TIAM2: variants seen among roughly 807,000 people sequenced by gnomAD.
TIAM2 encodes TIAM Rac1 associated GEF 2, also known as rho guanine nucleotide exchange factor TIAM2.
A neutral mutation model predicts 152.9 loss-of-function variants in TIAM2; 80 were observed. The ratio of observed to expected loss-of-function variants is 0.52; its 90% confidence interval spans 0.44 to 0.63. TIAM2 has a LOEUF of 0.63. TIAM2 is among the 30% of genes least tolerant of loss of function. The pLI is 0.00. For missense variants in TIAM2, 1,965 were observed against 2,120.1 expected, an observed-to-expected ratio of 0.93 and a Z score of 1.44; for synonymous variants, 804 against 838.0, an observed-to-expected ratio of 0.96 and a Z score of 0.70.
chr6:155,234,621 T>C (rs1270943661), intron 15 of TIAM2, among the ~76,000 whole-genome samples: 1 of 152,202 alleles, frequency 6.6e-6, no homozygotes, highest in Admixed American at 6.5e-5. Context: ...TTCAGGCTGG[T>C]CTTGAACTCC....
chr6:155,217,239 C>T (rs528724152), intron 15 of TIAM2: 69 of 849,912 alleles, frequency 8.1e-5, no homozygotes, highest in Non-Finnish European at 2.2e-5. Flanking sequence ...ATGCCTTTCT[C>T]CCCAGAAGGG....
At chr6:155,095,680 G>T (rs1275880906) in intron 2 of TIAM2, among the ~76,000 whole-genome samples, 2 of 152,250 alleles carry the variant, frequency 1.3e-5, no homozygotes, top group Non-Finnish European at 1.5e-5. Flanking sequence ...CTAGATAGAT[G>T]ACCTCTCTGG....
chr6:155,186,480 T>C lies in TIAM2; in HGVS notation c.3064+2980T>C, dbSNP rs1432752755. Among the ~76,000 whole-genome samples, 1 of 152,154 alleles carries C rather than the reference T, an allele frequency of 6.6e-6. No individual in the cohort carries two copies. Among genetic ancestry groups the C allele is most frequent in the African/African-American group, 2.4e-5 (1 of 41,442 alleles). On this transcript the variant is annotated intron_variant, in intron 14 of 26. Transcript: ENST00000682666. This position sits in a 1 kb window ranked among gnomAD's most constrained non-coding sequence, Gnocchi z 4.5. ...GGGTCACCTTCCAAATAAACTTCTG[T>C]ACTCAAGTCCTTGACTCAGACTCTG...
intron 15 of TIAM2, among the ~76,000 whole-genome samples, chr6:155,226,191 G>A (rs1782234453): frequency 6.6e-6 from 1 of 152,212 alleles, no homozygotes; most frequent in Non-Finnish European, 1.5e-5. Context: ...CATAAGCGAT[G>A]AAAAGCATCT....
At chr6:155,235,490 G>C (rs140009462) in intron 15 of TIAM2, among the ~76,000 whole-genome samples, 1 of 152,164 alleles carries the variant, frequency 6.6e-6, no homozygotes, top group Admixed American at 6.5e-5. Flanking sequence ...TGCTGATCAG[G>C]TTCACCCAGA....
chr6:155,148,040 G>A, intron 6 of TIAM2, 70 bp from the exon 7 acceptor site: 1 of 1,519,198 alleles, frequency 6.6e-7, no homozygotes, highest in Non-Finnish European at 9.1e-7. Context: ...TCTAAGCCCA[G>A]CCTGCCATTT....
At chr6:155,061,210 T>C (rs1777572742) in intron 1 of TIAM2, among the ~76,000 whole-genome samples, 1 of 152,230 alleles carries the variant, frequency 6.6e-6, no homozygotes, top group Non-Finnish European at 1.5e-5. Flanking sequence ...TCTGTGTGTC[T>C]ATCTCTCAAT....
chr6:154,998,989 T>C (rs1460267686), intron 1 of TIAM2, among the ~76,000 whole-genome samples: 1 of 152,166 alleles, frequency 6.6e-6, no homozygotes, highest in African/African-American at 2.4e-5. Flanking sequence ...AGGCATGTGA[T>C]AAATATTTGC....
chr6:155,027,156 C>T (rs1776621089), intron 1 of TIAM2, among the ~76,000 whole-genome samples: 1 of 151,604 alleles, frequency 6.6e-6, no homozygotes, highest in African/African-American at 2.4e-5. Flanking sequence ...CTGCCTCAGC[C>T]TCCTGAGTAG....
chr6:155,108,528 C>G (rs1778752815), intron 2 of TIAM2, among the ~76,000 whole-genome samples: 1 of 152,306 alleles, frequency 6.6e-6, no homozygotes, highest in Non-Finnish European at 1.5e-5. Context: ...CAAATTCATA[C>G]TGACCAGACC....
chr6:155,085,572 AAAC>A (rs1778156497), intron 1 of TIAM2, among the ~76,000 whole-genome samples: 1 of 152,172 alleles, frequency 6.6e-6, no homozygotes, highest in African/African-American at 2.4e-5. Context: ...TTAAAAAAAA[AAAC>A]AACTTTGTGA....
At chr6:155,197,435 GA>G (rs762237309) in intron 14 of TIAM2, among the ~76,000 whole-genome samples, 9 of 152,240 alleles carry the variant, frequency 5.9e-5, no homozygotes, top group Admixed American at 2.0e-4. Flanking sequence ...ATGTTGATAA[GA>G]AGCCTAGCTT....
At chr6:155,153,139 T>C (rs1780013950) in intron 7 of TIAM2, among the ~76,000 whole-genome samples, 1 of 152,142 alleles carries the variant, frequency 6.6e-6, no homozygotes, top group African/African-American at 2.4e-5. Flanking sequence ...TTTCTAATGC[T>C]ACTAATTTTT....
chr6:155,081,064 TG>T (rs1443695398), intron 1 of TIAM2, among the ~76,000 whole-genome samples: 1 of 152,188 alleles, frequency 6.6e-6, no homozygotes, highest in Non-Finnish European at 1.5e-5. Flanking sequence ...CTTTGTTTAG[TG>T]AATCGTTAGC....
At chr6:155,145,622 A>C (rs1413550960) in intron 6 of TIAM2, among the ~76,000 whole-genome samples, 16 of 152,232 alleles carry the variant, frequency 1.1e-4, no homozygotes, top group Non-Finnish European at 1.3e-4. Flanking sequence ...TAAACCCAGC[A>C]CTTGACATAC....
chr6:155,075,821 C>T (rs1190704757), intron 1 of TIAM2, among the ~76,000 whole-genome samples: 1 of 152,204 alleles, frequency 6.6e-6, no homozygotes, highest in Non-Finnish European at 1.5e-5. Flanking sequence ...TTTCTGCCAT[C>T]CGTGTGAACA....
At chr6:155,005,106 GC>G in intron 1 of TIAM2, 3 of 272,304 alleles carry the variant, frequency 1.1e-5, no homozygotes, top group Non-Finnish European at 7.3e-6. Flanking sequence ...AGGTCAGGTT[GC>G]CCAAGGCAAG....
intron 14 of TIAM2, among the ~76,000 whole-genome samples, chr6:155,185,999 C>T (rs1781036044): frequency 6.6e-6 from 1 of 152,218 alleles, no homozygotes; most frequent in African/African-American, 2.4e-5. Context: ...AAGGAAGTTA[C>T]ATGCCTTTGG....
At chr6:155,016,692 A>G (rs1778594147) in intron 1 of TIAM2, among the ~76,000 whole-genome samples, 1 of 150,668 alleles carries the variant, frequency 6.6e-6, no homozygotes, top group South Asian at 2.1e-4. Flanking sequence ...TGAGGTCAGG[A>G]GTTCAAGACC....
Sources: gnomAD v4.1 joint callset for allele counts (sites outside exome capture counted in the v4.1 genomes callset) on GRCh38, gnomAD v4.1.1 for gene constraint, Gnocchi (gnomAD v3.1) non-coding constraint, MANE v1.5 for transcripts, NCBI Gene and HGNC (gene_info 2026-07-23, HGNC 2026-07-21) for gene names.